Variants in LRRC7 observed in about 807,000 individuals in gnomAD.
LRRC7 encodes leucine-rich repeat-containing protein 7.
Under a neutral mutation model 175.7 loss-of-function variants are expected in LRRC7, and 23 were observed. That is an observed-to-expected ratio of 0.13 (90% CI 0.09 to 0.19). The LOEUF is 0.19. Among genes scored for constraint, LRRC7 ranks in the 10% least tolerant of loss-of-function variants. The pLI is 1.00. For missense variants in LRRC7, 1,354 were observed against 1,904.7 expected, an observed-to-expected ratio of 0.71 and a Z score of 5.38; for synonymous variants, 685 against 680.9, an observed-to-expected ratio of 1.01 and a Z score of -0.09.
intron 7 of LRRC7, among the ~76,000 whole-genome samples, chr1:69,879,366 G>A (rs998534069): frequency 6.6e-6 from 1 of 152,118 alleles, no homozygotes; most frequent in African/African-American, 2.4e-5. Context: ...CTGGCCTCAG[G>A]CCAAGAACTC....
intron 7 of LRRC7, among the ~76,000 whole-genome samples, chr1:69,891,954 G>A (rs150006837): frequency 4.8e-5 from 7 of 145,306 alleles, no homozygotes; most frequent in South Asian, 2.2e-4. Flanking sequence ...AAAATGACAC[G>A]TGCCTGTATT....
intron 1 of LRRC7, among the ~76,000 whole-genome samples, chr1:69,663,394 G>A (rs1242960374): frequency 1.3e-5 from 2 of 152,114 alleles, no homozygotes; most frequent in African/African-American, 4.8e-5. Context: ...GAGATATTTT[G>A]ATACCGGCAT....
At chr1:69,751,241 C>T (rs538478069) in intron 2 of LRRC7, among the ~76,000 whole-genome samples, 1 of 152,220 alleles carries the variant, frequency 6.6e-6, no homozygotes, top group Admixed American at 6.5e-5. Context: ...CCAATAAATT[C>T]AGTAGAGCAG....
At chr1:70,028,068 C>T (rs1558001826) in intron 17 of LRRC7, 103 bp from the exon 18 acceptor site, 2 of 978,196 alleles carry the variant, frequency 2.0e-6, no homozygotes, top group South Asian at 1.5e-5. Flanking sequence ...TCAACACTCA[C>T]TGTATTGCAT....
chr1:69,855,515 T>C (rs1683496876), intron 7 of LRRC7, among the ~76,000 whole-genome samples: 1 of 152,166 alleles, frequency 6.6e-6, no homozygotes, highest in South Asian at 2.1e-4. Flanking sequence ...TTCTGTTCTT[T>C]TACATTTGCT....
chr1:69,852,565 A>G (rs1913273), intron 7 of LRRC7, among the ~76,000 whole-genome samples: 73,950 of 152,010 alleles, frequency 0.49, 18,250 homozygotes, highest in Middle Eastern at 0.58. Flanking sequence ...TATCCTTGGC[A>G]AGAGTTCACT....
chr1:70,087,892 A>G (rs1663730287), intron 24 of LRRC7, among the ~76,000 whole-genome samples: 1 of 152,200 alleles, frequency 6.6e-6, no homozygotes, highest in African/African-American at 2.4e-5. Flanking sequence ...ATTATTAAAC[A>G]GACAAACCTA....
intron 4 of LRRC7, among the ~76,000 whole-genome samples, chr1:69,822,053 C>T (rs1277662976): frequency 1.3e-5 from 2 of 152,114 alleles, no homozygotes; most frequent in Admixed American, 1.3e-4. Context: ...CACCAGTCAG[C>T]CAGATGATGG....
In LRRC7 at chr1:69,858,172, A is replaced by G. The variant is rs185678821; in HGVS notation, c.647+19889A>G. ...CCATAAAAACCCTAGAAGAAAACCT[A>G]GGCAATACTATTCAGGACATAGGCA... On this transcript the variant is annotated intron_variant, in intron 7 of 26. Transcript: ENST00000651989. 7.9e-4 allele frequency among the ~76,000 whole-genome samples: 121 copies of G among 152,346 alleles called. 1 individual carries two copies. The highest frequency in any genetic ancestry group is 2.8e-3 in the African/African-American group (118 of 41,588).
chr1:69,857,288 A>G (rs1238248807), intron 7 of LRRC7, among the ~76,000 whole-genome samples: 1 of 152,192 alleles, frequency 6.6e-6, no homozygotes, highest in Admixed American at 6.5e-5. Context: ...AGAAAGAAAT[A>G]AAGGGTATCC....
In LRRC7 at chr1:70,020,324, T is replaced by TA. The variant is rs1051102269; in HGVS notation, c.1421-673dup. Among the ~76,000 whole-genome samples the TA allele has an allele frequency of 1.6e-4, 24 of 151,902 alleles. No homozygotes were observed. The East Asian group carries it at 2.9e-3, about 18-fold the overall frequency. On this transcript the variant is annotated intron_variant, in intron 15 of 26. Coordinates refer to ENST00000651989, the MANE Select transcript of LRRC7 (RefSeq NM_001370785.2). ...TATTATCATTAGCCAACATTTTATG[T>TA]AAAAAAAAGATTCATAAGCCATTTC...
rs1338043362 is a variant in LRRC7 at position 70,139,872 on chromosome 1, G to A, written c.*17985G>A. 6.6e-6 allele frequency: 1 copy of A among 152,122 alleles called. No individual in the cohort carries two copies. The highest frequency in any genetic ancestry group is 1.5e-5 in the Non-Finnish European group (1 of 68,012). 9.4% of individuals were successfully genotyped at this position (152,122 alleles called of 1,614,324 possible). A position where few individuals can be genotyped will look rare whatever the true frequency, so the allele number is the denominator to read the frequency against. ...GGTTTTCCTGGACTCCTACAGTCTG[G>A]TTTGATCAGTTTATTATTAAGTACT... On this transcript the variant is annotated 3_prime_UTR_variant, in exon 27 of 27. Coordinates refer to ENST00000651989, the MANE Select transcript of LRRC7 (RefSeq NM_001370785.2).
At chr1:69,965,330 T>A (rs1200178034) in intron 8 of LRRC7, among the ~76,000 whole-genome samples, 9 of 152,176 alleles carry the variant, frequency 5.9e-5, no homozygotes, top group Non-Finnish European at 1.0e-4. Context: ...ATTTCGTGTA[T>A]TGTCATTCCC....
intron 1 of LRRC7, among the ~76,000 whole-genome samples, chr1:69,638,138 A>G (rs773774402): frequency 1.2e-4 from 18 of 152,032 alleles, no homozygotes; most frequent in Non-Finnish European, 2.1e-4. Context: ...CTCAATTTTA[A>G]TATAAAGATG....
Position 69,678,390 on chromosome 1 carries a change from C to T in LRRC7, c.12C>T (p.Asn4=). 1 of 1,592,892 alleles carries T rather than the reference C, an allele frequency of 6.3e-7. No individual in the cohort carries two copies. The highest frequency in any genetic ancestry group is 1.7e-5 in the Admixed American group (1 of 57,616). ...TGATTCTCTCTTATAGGATGGAGAA[C>T]CTAATAAGGGGAAGGAATCCCCCGC... is the stretch of plus-strand genomic sequence containing the variant. MME[N]LIRGRNPPQY... The change falls in exon 2 of 27, where the codon AAC becomes AAT. Residue 4 remains asparagine (N), a synonymous_variant. Coordinates refer to ENST00000651989, the MANE Select transcript of LRRC7 (RefSeq NM_001370785.2).
chr1:69,841,323 T>C (rs1265517195), intron 7 of LRRC7, among the ~76,000 whole-genome samples: 3 of 152,110 alleles, frequency 2.0e-5, no homozygotes, highest in Non-Finnish European at 4.4e-5. Flanking sequence ...GGTCTTCTTA[T>C]AATCTAAACT....
intron 17 of LRRC7, among the ~76,000 whole-genome samples, chr1:70,026,546 A>G (rs916794716): frequency 2.6e-5 from 4 of 152,086 alleles, no homozygotes; most frequent in Non-Finnish European, 5.9e-5. Flanking sequence ...ATACATTACA[A>G]ATTAAGTACC....
intron 4 of LRRC7, 75 bp downstream of exon 4, chr1:69,792,235 A>C: frequency 2.5e-6 from 2 of 797,634 alleles, no homozygotes; most frequent in South Asian, 3.3e-5. Context: ...TCTCTTAGCA[A>C]ATAATCTAAA....
chr1:69,642,763 T>C (rs562096948), intron 1 of LRRC7, among the ~76,000 whole-genome samples: 2 of 152,154 alleles, frequency 1.3e-5, no homozygotes, highest in Admixed American at 6.6e-5. Context: ...CAAAAGTCAT[T>C]GTATCAGTTG....
Sources: gnomAD v4.1 joint callset for allele counts (sites outside exome capture counted in the v4.1 genomes callset) on GRCh38, gnomAD v4.1.1 for gene constraint, MANE v1.5 for transcripts, NCBI Gene and HGNC (gene_info 2026-07-23, HGNC 2026-07-21) for gene names.